Variants in RBFOX1 observed in about 807,000 individuals in gnomAD.
The protein encoded by RBFOX1 is RNA binding fox-1 homolog 1, also known as RNA binding protein fox-1 homolog 1.
Under a neutral mutation model 57.7 loss-of-function variants are expected in RBFOX1, and 8 were observed. The observed-to-expected ratio is 0.14, with a 90% CI of 0.08 to 0.25. The LOEUF is 0.25. RBFOX1 is among the 10% of genes least tolerant of loss of function. The probability of loss-of-function intolerance (pLI) is 1.00; values close to 1 mark genes in which losing one functional copy is unlikely to be tolerated. For synonymous variants in RBFOX1, 326 were observed against 222.4 expected (o/e 1.47, Z -4.15); for missense variants, 611 against 548.5 (o/e 1.11, Z -1.14).
intron 4 of RBFOX1, among the ~76,000 whole-genome samples, chr16:7,254,608 T>G (rs2094606575): frequency 6.6e-6 from 1 of 152,162 alleles, no homozygotes; most frequent in African/African-American, 2.4e-5. Flanking sequence ...ATCCTCTCTG[T>G]TGCTACTTAA....
chr16:6,826,654 C>A (rs954724447), intron 3 of RBFOX1, among the ~76,000 whole-genome samples: 1 of 151,658 alleles, frequency 6.6e-6, no homozygotes, highest in Non-Finnish European at 1.5e-5. Flanking sequence ...TCCTTTTTTT[C>A]TTTGTTTGCT....
intron 5 of RBFOX1, among the ~76,000 whole-genome samples, chr16:7,541,141 G>T (rs146414744): frequency 9.7e-4 from 148 of 152,290 alleles, no homozygotes; most frequent in African/African-American, 3.4e-3. Context: ...TATGTACCTT[G>T]AGCAGCAAGA....
At position 6,019,478 on chromosome 16, in the gene RBFOX1, C is replaced by G. The variant is rs924539718; in HGVS notation, c.-641C>G. The G allele has an allele frequency of 1.0e-6, 1 of 1,003,690 alleles. No homozygotes were observed. The highest frequency in any genetic ancestry group is 4.9e-4 in the Middle Eastern group (1 of 2,032). 62.2% of individuals were successfully genotyped at this position (1,003,690 alleles called of 1,614,324 possible). On this transcript the variant is annotated 5_prime_UTR_variant, in exon 1 of 16. Transcript: ENST00000550418. The surrounding 1 kb of genome is among the most constrained non-coding windows in gnomAD (Gnocchi z 4.2). ...CCGAACTCGCGGAGGGGAATCCCTCCCCCTCCGCCCCAGCCCCCCAGCAGC... is the reference window on the plus strand; with the variant it reads ...CCGAACTCGCGGAGGGGAATCCCTCGCCCTCCGCCCCAGCCCCCCAGCAGC...
chr16:6,492,870 C>T (rs1310227757), intron 2 of RBFOX1, among the ~76,000 whole-genome samples: 3 of 152,142 alleles, frequency 2.0e-5, no homozygotes, highest in Admixed American at 2.0e-4. Context: ...AGAAAGCAAA[C>T]ATACACATGC....
chr16:6,096,608 T>A (rs891414981), intron 1 of RBFOX1, among the ~76,000 whole-genome samples: 1 of 152,184 alleles, frequency 6.6e-6, no homozygotes, highest in Non-Finnish European at 1.5e-5. Context: ...AGTTTTGGGA[T>A]TCTGTGAACC....
chr16:6,189,415 A>T (rs533895388), intron 1 of RBFOX1, among the ~76,000 whole-genome samples: 26 of 152,344 alleles, frequency 1.7e-4, no homozygotes, highest in Middle Eastern at 3.4e-3. Flanking sequence ...CTGTTAATGC[A>T]GAGTCGCTTG....
At chr16:6,033,860 G>C (rs1010665814) in intron 1 of RBFOX1, among the ~76,000 whole-genome samples, 1 of 152,176 alleles carries the variant, frequency 6.6e-6, no homozygotes, top group African/African-American at 2.4e-5. Flanking sequence ...CTGATGCTCT[G>C]GCTGAGCTGC....
intron 2 of RBFOX1, among the ~76,000 whole-genome samples, chr16:5,506,150 C>T (rs956500297): frequency 6.6e-6 from 1 of 152,150 alleles, no homozygotes; most frequent in East Asian, 1.9e-4. Context: ...GCTTTGAAAT[C>T]ATTAATGTGC....
chr16:6,834,057 A>ATT (rs71147606), intron 3 of RBFOX1, among the ~76,000 whole-genome samples: 19 of 150,696 alleles, frequency 1.3e-4, no homozygotes, highest in African/African-American at 2.0e-4. Context: ...TCCAATAAAT[A>ATT]TTTTTTTTTC....
chr16:5,849,076 G>GA (rs1231473387), intron 3 of RBFOX1, among the ~76,000 whole-genome samples: 1 of 152,172 alleles, frequency 6.6e-6, no homozygotes, highest in Non-Finnish European at 1.5e-5. Context: ...ACCCAGGTAA[G>GA]AACACTAGAG....
intron 4 of RBFOX1, among the ~76,000 whole-genome samples, chr16:7,266,119 C>T (rs533199690): frequency 7.4e-4 from 112 of 151,928 alleles, no homozygotes; most frequent in African/African-American, 2.5e-3. Flanking sequence ...GGACTACAGG[C>T]GCTCGCCAAT....
intron 4 of RBFOX1, among the ~76,000 whole-genome samples, chr16:7,142,015 C>A (rs1310934575): frequency 6.7e-6 from 1 of 149,114 alleles, no homozygotes; most frequent in Non-Finnish European, 1.5e-5. Flanking sequence ...CTTCTTCTTC[C>A]TTCTTCCTTC....
intron 3 of RBFOX1, among the ~76,000 whole-genome samples, chr16:6,838,373 G>A (rs969432078): frequency 3.3e-5 from 5 of 152,064 alleles, no homozygotes; most frequent in Admixed American, 2.0e-4. Flanking sequence ...CTTTTTTATG[G>A]CTGCATAATA....
At chr16:7,189,083 T>C (rs1160303100) in intron 4 of RBFOX1, among the ~76,000 whole-genome samples, 1 of 151,560 alleles carries the variant, frequency 6.6e-6, no homozygotes, top group East Asian at 2.0e-4. Flanking sequence ...GATAGAATCC[T>C]CATAGGAAGA....
intron 4 of RBFOX1, among the ~76,000 whole-genome samples, chr16:7,517,312 C>T (rs1314037233): frequency 6.6e-6 from 1 of 151,924 alleles, no homozygotes; most frequent in Non-Finnish European, 1.5e-5. Flanking sequence ...AATTGTCACA[C>T]TGCCTGTTTT....
intron 2 of RBFOX1, among the ~76,000 whole-genome samples, chr16:6,578,671 AC>A (rs1270808614): frequency 7.1e-6 from 1 of 140,506 alleles, no homozygotes; most frequent in Non-Finnish European, 1.6e-5. Context: ...AGGAGAGAGA[AC>A]CCCAGAGAGA....
intron 2 of RBFOX1, among the ~76,000 whole-genome samples, chr16:6,493,019 T>A (rs942540390): frequency 6.6e-6 from 1 of 152,188 alleles, no homozygotes; most frequent in Non-Finnish European, 1.5e-5. Flanking sequence ...ATTACACCTT[T>A]ATTCTTTGTG....
In RBFOX1 at chr16:6,861,068, C is replaced by G. The variant is rs2058904282; in HGVS notation, c.-15-190989C>G. ...GGTTGTAATCTGCGAGAGTGACTGA[C>G]AAGGATTCCATTATATTTGTTATAT... is the stretch of plus-strand genomic sequence containing the variant. On this transcript the variant is annotated intron_variant, in intron 3 of 15. Coordinates refer to ENST00000550418, the MANE Select transcript of RBFOX1 (RefSeq NM_018723.4). Among the ~76,000 whole-genome samples, 3 of 152,210 alleles carry G rather than the reference C, an allele frequency of 2.0e-5. No individual in the cohort carries two copies. In the South Asian group the frequency reaches 6.2e-4, roughly 32 times the overall value.
At chr16:7,097,000 T>C (rs1034805088) in intron 4 of RBFOX1, among the ~76,000 whole-genome samples, 1 of 150,070 alleles carries the variant, frequency 6.7e-6, no homozygotes, top group African/African-American at 2.5e-5. Context: ...ATTAAAGAGC[T>C]GTTACCAGAA....
Sources: gnomAD v4.1 joint callset for allele counts (sites outside exome capture counted in the v4.1 genomes callset) on GRCh38, gnomAD v4.1.1 for gene constraint, Gnocchi (gnomAD v3.1) non-coding constraint, MANE v1.5 for transcripts, NCBI Gene and HGNC (gene_info 2026-07-23, HGNC 2026-07-21) for gene names.